The following SF3A1 variants were observed in gnomAD, a reference collection of about 807,000 sequenced individuals.
SF3A1 encodes the protein SAP 114.
SF3A1 carries 13 observed loss-of-function variants against 89.9 expected under a neutral mutation model. That is an observed-to-expected ratio of 0.14 (90% CI 0.09 to 0.23). SF3A1 has a LOEUF of 0.23. SF3A1 is among the 10% of genes least tolerant of loss of function. The pLI is 1.00. For synonymous variants in SF3A1, 405 were observed against 374.4 expected, an observed-to-expected ratio of 1.08 and a Z score of -0.94; for missense variants, 604 against 1,022.1, an observed-to-expected ratio of 0.59 and a Z score of 5.58.
chr22:30,349,263 G>A (rs1255567254), intron 2 of SF3A1, among the ~76,000 whole-genome samples: 4 of 152,170 alleles, frequency 2.6e-5, no homozygotes, highest in East Asian at 1.9e-4. Flanking sequence ...CAATGTAAAC[G>A]ATAAGTTCAC....
intron 7 of SF3A1, 65 bp downstream of exon 7, chr22:30,341,627 G>C: frequency 7.2e-7 from 1 of 1,393,760 alleles, no homozygotes. Context: ...GACTGGTGGA[G>C]AGCACTTCGA....
In SF3A1 at chr22:30,335,383, T is replaced by G. The variant is rs1931033197; in HGVS notation, c.2280+84A>C. On this transcript the variant is annotated intron_variant, in intron 15 of 15. Coordinates refer to ENST00000215793, the MANE Select transcript of SF3A1 (RefSeq NM_005877.6). ...ACACCCAGATATCACTCCACTCCCC[T>G]TTTAGCTTCCATGACAGATTTAGCT... The G allele has an allele frequency of 4.2e-6, 5 of 1,203,598 alleles. No homozygotes were observed. In the South Asian group the frequency reaches 6.2e-5, roughly 15 times the overall value. 74.6% of individuals were successfully genotyped at this position (1,203,598 alleles called of 1,614,324 possible).
At chr22:30,345,422 T>A (rs189310015) in intron 3 of SF3A1, among the ~76,000 whole-genome samples, 1 of 152,188 alleles carries the variant, frequency 6.6e-6, no homozygotes, top group African/African-American at 2.4e-5. Context: ...GTGAGAACCA[T>A]TCCCCTCTGT....
chr22:30,350,091 T>C (rs1156744205), intron 2 of SF3A1, among the ~76,000 whole-genome samples: 1 of 152,124 alleles, frequency 6.6e-6, no homozygotes, highest in East Asian at 1.9e-4. Context: ...CAGAATTTTC[T>C]TCTAAGGAAA....
intron 13 of SF3A1, among the ~76,000 whole-genome samples, chr22:30,336,522 T>C (rs780191891): frequency 6.6e-6 from 1 of 152,098 alleles, no homozygotes; most frequent in East Asian, 1.9e-4. Flanking sequence ...GCCGGGGCTG[T>C]TTCTGTCTCC....
rs372085875 is a variant in SF3A1 at position 30,337,185 on chromosome 22, A to T, written c.1952-5T>A. On this transcript the variant is annotated splice_region_variant and splice_polypyrimidine_tract_variant and intron_variant, in intron 12 of 15. Transcript: ENST00000215793. ...CAGGTGGAGCAGGCACAAAGGCTGC[A>T]AAGACAAGAATAAGCAGCCCCATGA... 2.9e-5 allele frequency: 46 copies of T among 1,605,690 alleles called. No individual in the cohort carries two copies. The highest frequency in any genetic ancestry group is 2.8e-4 in the South Asian group (25 of 89,850).
chr22:30,338,248 C>T lies in SF3A1; in HGVS notation c.1744-351G>A, dbSNP rs1356652777. Among the ~76,000 whole-genome samples, 3 of 152,170 alleles carry T rather than the reference C, an allele frequency of 2.0e-5. No homozygotes were observed. The East Asian group carries it at 5.8e-4, about 29-fold the overall frequency. On this transcript the variant is annotated intron_variant, in intron 11 of 15. Transcript: ENST00000215793. ...CTAAGGCAGGCAGATCACCGGAGGT[C>T]GGGAGTTCGAGACCAGCCTGACCAA...
chr22:30,340,251 C>T lies in SF3A1; in HGVS notation c.1320G>A (p.Glu440=), dbSNP rs889089094. 1 of 1,610,538 alleles carries T rather than the reference C, an allele frequency of 6.2e-7. No individual in the cohort carries two copies. The highest frequency in any genetic ancestry group is 1.3e-5 in the African/African-American group (1 of 74,702). Residue 440 remains glutamate, a synonymous_variant, in exon 9 of 16, where the codon GAG becomes GAA. Coordinates refer to ENST00000215793, the MANE Select transcript of SF3A1 (RefSeq NM_005877.6). ...TCTCACGGATGGAGCGATCCCGCTG[C>T]TCCAGCCAGCGAGGGTCAAGAAGTC... is the stretch of plus-strand genomic sequence containing the variant. The part of the protein sequence containing the change: ...RIGLLDPRWL[E]QRDRSIREKQ...
Position 30,345,059 on chromosome 22 carries a change from G to C in SF3A1, c.525C>G (p.Ala175=). ...GGGTCAGAAACTGGCGCCCATTCCTGGCCACAAACTGAGCCGTCAGCTTCA... is the reference window on the plus strand; with the variant it reads ...GGGTCAGAAACTGGCGCCCATTCCTCGCCACAAACTGAGCCGTCAGCTTCA... ...DVVKLTAQFV[A]RNGRQFLTQL... Residue 175 remains alanine (A), a synonymous_variant, in exon 4 of 16, where the codon GCC becomes GCG. Transcript: ENST00000215793. The C allele has an allele frequency of 1.9e-6, 3 of 1,614,202 alleles. No individual in the cohort carries two copies. The highest frequency in any genetic ancestry group is 8.5e-7 in the Non-Finnish European group (1 of 1,180,036).
chr22:30,351,633 TG>T (rs1291441247), intron 2 of SF3A1, among the ~76,000 whole-genome samples: 1 of 152,200 alleles, frequency 6.6e-6, no homozygotes, highest in Non-Finnish European at 1.5e-5. Context: ...CCTAAGTAGC[TG>T]GGATCACAGG....
At position 30,340,348 on chromosome 22, in the gene SF3A1, T is replaced by C. The variant is rs1342432016; in HGVS notation, c.1223A>G (p.Asp408Gly). The change falls in exon 9 of 16, where the codon GAT becomes GGT. Residue 408 changes from aspartate to glycine, a missense_variant. Physicochemically the swap from Asp to Gly is moderately conservative, Grantham distance 94. This residue lies in a region of SF3A1 where 146 missense variants were observed against 228.5 expected (regional missense o/e 0.64). Coordinates refer to ENST00000215793, the MANE Select transcript of SF3A1 (RefSeq NM_005877.6). Reference sequence around the variant, plus strand: ...AGTAATGGGGGACACAAGATACTCATCTGGAGCAGGGGCTGGAGGCAAGGG... The same window carrying C: ...AGTAATGGGGGACACAAGATACTCACCTGGAGCAGGGGCTGGAGGCAAGGG... ...SKPLPPAPAP[D>G]EYLVSPITGE... The C allele has an allele frequency of 6.2e-7, 1 of 1,611,818 alleles. No homozygotes were observed. The highest frequency in any genetic ancestry group is 8.5e-7 in the Non-Finnish European group (1 of 1,179,482).
rs1022268442 is a variant in SF3A1 at position 30,336,959 on chromosome 22, A to G, written c.2106+67T>C. 14 of 1,591,764 alleles carry G rather than the reference A, an allele frequency of 8.8e-6. No homozygotes were observed. The Admixed American group carries it at 1.8e-4, about 21-fold the overall frequency. ...GGAGTGAAATAGGGTCAGTTTCGCA[A>G]GTGTACGACAGGGGCGGGACTGAAC... On this transcript the variant is annotated intron_variant, in intron 13 of 15. Coordinates refer to ENST00000215793, the MANE Select transcript of SF3A1 (RefSeq NM_005877.6).
At chr22:30,356,616 T>C in intron 1 of SF3A1, 114 bp downstream of exon 1, 2 of 786,422 alleles carry the variant, frequency 2.5e-6, no homozygotes, top group Non-Finnish European at 3.6e-6. Context: ...CGCAGCCTCT[T>C]GGGACTTGCA....
chr22:30,348,089 GCCT>G (rs1435583530), intron 2 of SF3A1, among the ~76,000 whole-genome samples: 1 of 152,216 alleles, frequency 6.6e-6, no homozygotes, highest in Non-Finnish European at 1.5e-5. Flanking sequence ...AAGCGCCTTG[GCCT>G]CCCAAAGTGA....
Position 30,334,580 on chromosome 22 carries a change from C to CAGGT in SF3A1, c.*10_*13dup. 6.5e-7 allele frequency: 1 copy of CAGGT among 1,526,728 alleles called. No homozygotes were observed. The highest frequency in any genetic ancestry group is 8.8e-7 in the Non-Finnish European group (1 of 1,135,308). 94.6% of individuals were successfully genotyped at this position (1,526,728 alleles called of 1,614,324 possible). ...AGGCAAAATGGCAGGGACTTGACAGCAGGTTCCTCTTGTCTACTTCTTCCT... is the reference window on the plus strand; with the variant it reads ...AGGCAAAATGGCAGGGACTTGACAGCAGGTAGGTTCCTCTTGTCTACTTCTTCCT... On this transcript the variant is annotated 3_prime_UTR_variant, in exon 16 of 16. Coordinates refer to ENST00000215793, the MANE Select transcript of SF3A1 (RefSeq NM_005877.6).
chr22:30,339,341 G>GGAGGCTGGTTCCATGGGAT (rs1931175741), intron 9 of SF3A1, 90 bp from the exon 10 acceptor site: 3 of 1,531,416 alleles, frequency 2.0e-6, no homozygotes, highest in Non-Finnish European at 2.7e-6. Flanking sequence ...TGTGCAGGGA[G>GGAGGCTGGTTCCATGGGAT]GAGGCTGGTT....
chr22:30,348,617 C>T lies in SF3A1; in HGVS notation c.186-2098G>A, dbSNP rs191011155. On this transcript the variant is annotated intron_variant, in intron 2 of 15. Transcript: ENST00000215793. ...CACCCAGGCTGGCTCCTCAGCAAGT[C>T]GTGGTCATACCCTGCCGTGTAACTA... 3.7e-3 allele frequency among the ~76,000 whole-genome samples: 566 copies of T among 152,246 alleles called. 2 individuals are homozygous for T. Among genetic ancestry groups the T allele is most frequent in the Middle Eastern group, 6.8e-3 (2 of 294 alleles).
At chr22:30,339,556 G>C (rs1365570718) in intron 9 of SF3A1, among the ~76,000 whole-genome samples, 1 of 152,214 alleles carries the variant, frequency 6.6e-6, no homozygotes, top group Non-Finnish European at 1.5e-5. Flanking sequence ...AGGAGTTCGA[G>C]ACCAGCATGG....
chr22:30,356,744 T>C lies in SF3A1; in HGVS notation c.49A>G (p.Thr17Ala). 2.7e-6 allele frequency: 4 copies of C among 1,494,780 alleles called. No individual in the cohort carries two copies. Among genetic ancestry groups the C allele is most frequent in the Non-Finnish European group, 3.6e-6 (4 of 1,118,066 alleles). The allele number at this position is 1,494,780 out of a possible 1,614,324, so 92.6% of individuals were successfully genotyped here. ...QAVPPPPPVP[T>A]EPKQPTEEEA... Reference sequence around the variant, plus strand: ...GGGAGAGGTACCTGTTTGGGCTCCGTGGGCACGGGCGGCGGCGGGGGCACC... The same window carrying C: ...GGGAGAGGTACCTGTTTGGGCTCCGCGGGCACGGGCGGCGGCGGGGGCACC... Residue 17 changes from threonine (T) to alanine (A), a missense_variant, in exon 1 of 16, where the codon ACG becomes GCG. Transcript: ENST00000215793.
Sources: gnomAD v4.1 joint callset for allele counts (sites outside exome capture counted in the v4.1 genomes callset) on GRCh38, gnomAD v4.1.1 for gene constraint, gnomAD v4.1.1 regional missense constraint, MANE v1.5 for transcripts, NCBI Gene and HGNC (gene_info 2026-07-23, HGNC 2026-07-21) for gene names.